Variants in GRIK4 observed in about 807,000 individuals in gnomAD.
The protein encoded by GRIK4 is glutamate receptor ionotropic, kainate 4.
GRIK4 carries 40 observed loss-of-function variants against 104.9 expected under a neutral mutation model. That is an observed-to-expected ratio of 0.38 (90% CI 0.30 to 0.50). GRIK4 has a LOEUF of 0.50. Ranked by LOEUF, GRIK4 falls within the 20% of genes least tolerant of loss-of-function variation. The pLI is 0.93. For synonymous variants in GRIK4, 485 were observed against 524.9 expected, an observed-to-expected ratio of 0.92 and a Z score of 1.04; for missense variants, 1,047 against 1,308.1, an observed-to-expected ratio of 0.80 and a Z score of 3.08.
intron 11 of GRIK4, among the ~76,000 whole-genome samples, chr11:120,884,222 T>C (rs1039331785): frequency 6.6e-6 from 1 of 152,264 alleles, no homozygotes; most frequent in African/African-American, 2.4e-5. Flanking sequence ...ATGTGCATCA[T>C]AAAATTATTG....
At chr11:120,671,566 G>T (rs1950017168) in intron 3 of GRIK4, among the ~76,000 whole-genome samples, 1 of 152,158 alleles carries the variant, frequency 6.6e-6, no homozygotes, top group South Asian at 2.1e-4. Flanking sequence ...CCCACTTTTT[G>T]ATGGGGTTGT....
chr11:120,890,772 A>G (rs1955266025), intron 11 of GRIK4, among the ~76,000 whole-genome samples: 1 of 152,196 alleles, frequency 6.6e-6, no homozygotes, highest in Admixed American at 6.5e-5. Flanking sequence ...TGCAGAATCA[A>G]GGAGATTTAC....
At chr11:120,895,892 T>C (rs1243697347) in intron 11 of GRIK4, among the ~76,000 whole-genome samples, 1 of 152,158 alleles carries the variant, frequency 6.6e-6, no homozygotes, top group African/African-American at 2.4e-5. Flanking sequence ...CCCTCACCCA[T>C]GCAGAGAGGA....
At chr11:120,611,731 C>G (rs1186908690) in intron 1 of GRIK4, among the ~76,000 whole-genome samples, 1 of 152,192 alleles carries the variant, frequency 6.6e-6, no homozygotes, top group Non-Finnish European at 1.5e-5. Context: ...TCTCTCTCCC[C>G]CATCTGCCTA....
rs545496277 is a variant in GRIK4 at position 120,793,971 on chromosome 11, G to T, written c.83-8722G>T. ...TGGTTTGAGGGGAAGGGTGGTGTTA[G>T]GGCTGAGAGCCGGGTGATGGTTAGA... On this transcript the variant is annotated intron_variant, in intron 3 of 20. Coordinates refer to ENST00000527524, the MANE Select transcript of GRIK4 (RefSeq NM_014619.5). Among the ~76,000 whole-genome samples the T allele has an allele frequency of 2.5e-3, 379 of 151,084 alleles. 5 individuals are homozygous for T. Among genetic ancestry groups the T allele is most frequent in the African/African-American group, 9.0e-3 (368 of 41,068 alleles).
chr11:120,783,660 C>G (rs543333640), intron 3 of GRIK4, among the ~76,000 whole-genome samples: 14 of 152,192 alleles, frequency 9.2e-5, no homozygotes, highest in Non-Finnish European at 1.8e-4. Flanking sequence ...TGCTTTTTAT[C>G]CCCTGTGGTA....
intron 1 of GRIK4, among the ~76,000 whole-genome samples, chr11:120,574,070 C>T (rs963179762): frequency 2.0e-5 from 3 of 152,184 alleles, no homozygotes; most frequent in Admixed American, 6.5e-5. Context: ...AGAGTGCACC[C>T]GATGAAAGGT....
At chr11:120,808,696 A>G (rs761485526) in intron 4 of GRIK4, among the ~76,000 whole-genome samples, 25 of 152,202 alleles carry the variant, frequency 1.6e-4, no homozygotes, top group Admixed American at 1.6e-3. Context: ...CTTTGGCACA[A>G]GAGAGGAGAT....
chr11:120,632,178 C>T (rs1377837079), intron 1 of GRIK4, among the ~76,000 whole-genome samples: 2 of 152,070 alleles, frequency 1.3e-5, no homozygotes, highest in Admixed American at 6.6e-5. Context: ...ATAAGAGACC[C>T]CAGAGAGCTT....
At chr11:120,796,018 TG>T (rs762113151) in intron 3 of GRIK4, among the ~76,000 whole-genome samples, 48 of 142,716 alleles carry the variant, frequency 3.4e-4, no homozygotes, top group East Asian at 1.3e-3. Flanking sequence ...TGTTATTTTT[TG>T]GTTTTTTTTT....
At chr11:120,975,674 A>C (rs1171300416) in intron 19 of GRIK4, among the ~76,000 whole-genome samples, 3 of 152,144 alleles carry the variant, frequency 2.0e-5, no homozygotes, top group African/African-American at 4.8e-5. Flanking sequence ...AGACCCCCTC[A>C]CCTCTACCCT....
intron 6 of GRIK4, among the ~76,000 whole-genome samples, chr11:120,824,810 G>A (rs1045261784): frequency 2.0e-5 from 3 of 151,314 alleles, no homozygotes; most frequent in Non-Finnish European, 4.4e-5. Context: ...TCGGCCTCCC[G>A]AAGTGCTGGG....
chr11:120,612,972 G>A (rs888419965), intron 1 of GRIK4, among the ~76,000 whole-genome samples: 5 of 152,212 alleles, frequency 3.3e-5, no homozygotes, highest in African/African-American at 1.2e-4. Context: ...TGAGAAAAAA[G>A]CATTTCTAAT....
chr11:120,976,125 T>A lies in GRIK4; in HGVS notation c.2396-5981T>A, dbSNP rs117338265. Among the ~76,000 whole-genome samples the A allele has an allele frequency of 3.4e-3, 523 of 152,366 alleles. 4 individuals carry two copies. The highest frequency in any genetic ancestry group is 5.7e-3 in the Admixed American group (87 of 15,310). ...CTCTGAATTTCTCTTTCTTTAACTG[T>A]AAAGTGGGGACAATGGGCCTTCTCT... On this transcript the variant is annotated intron_variant, in intron 19 of 20. Transcript: ENST00000527524.
intron 1 of GRIK4, among the ~76,000 whole-genome samples, chr11:120,641,873 A>G (rs553479674): frequency 2.0e-5 from 3 of 152,280 alleles, no homozygotes; most frequent in African/African-American, 7.2e-5. Flanking sequence ...CCTATTCAAG[A>G]TGCAGTTGCT....
At position 120,557,626 on chromosome 11, in the gene GRIK4, T is replaced by A. The variant is rs138045538; in HGVS notation, c.-159+45739T>A. Among the ~76,000 whole-genome samples the A allele has an allele frequency of 1.4e-3, 207 of 152,276 alleles. 6 individuals carry two copies. In the East Asian group the frequency reaches 0.038, roughly 28 times the overall value. Reference sequence around the variant, plus strand: ...ATACCAGCCAGGCTCAGGCTGAAAATGAGCAGCATTCTCGTCTGAATCTGG... The same window carrying A: ...ATACCAGCCAGGCTCAGGCTGAAAAAGAGCAGCATTCTCGTCTGAATCTGG... On this transcript the variant is annotated intron_variant, in intron 1 of 20. Coordinates refer to ENST00000527524, the MANE Select transcript of GRIK4 (RefSeq NM_014619.5).
chr11:120,859,629 C>T (rs1374794566), intron 8 of GRIK4, among the ~76,000 whole-genome samples: 1 of 152,218 alleles, frequency 6.6e-6, no homozygotes, highest in African/African-American at 2.4e-5. Context: ...TTGGTTTGCC[C>T]ACAACAGTCT....
chr11:120,949,553 A>T (rs1943948853), intron 14 of GRIK4, among the ~76,000 whole-genome samples: 1 of 152,242 alleles, frequency 6.6e-6, no homozygotes, highest in African/African-American at 2.4e-5. Flanking sequence ...CTATAAATAC[A>T]GCAGAGTCAC....
chr11:120,986,333 C>A lies in GRIK4; in HGVS notation c.*73C>A, dbSNP rs1944753166. On this transcript the variant is annotated 3_prime_UTR_variant, in exon 21 of 21. Transcript: ENST00000527524. ...GGGGCGGGGCGGGCGCTGCTGTCAG[C>A]CGCCAGCCGGAACTTGTACAGCGTC... The A allele has an allele frequency of 1.4e-5, 19 of 1,406,298 alleles. No homozygotes were observed. The highest frequency in any genetic ancestry group is 1.7e-5 in the Non-Finnish European group (18 of 1,083,908). 87.1% of individuals were successfully genotyped at this position (1,406,298 alleles called of 1,614,324 possible).
Sources: allele counts gnomAD v4.1 joint callset (sites outside exome capture counted in the v4.1 genomes callset), GRCh38; gene constraint gnomAD v4.1.1; transcripts MANE v1.5; gene names NCBI Gene and HGNC (gene_info 2026-07-23, HGNC 2026-07-21).